The following FRAS1 variants were observed in gnomAD, a reference collection of about 807,000 sequenced individuals.
FRAS1 encodes the protein Fraser extracellular matrix complex subunit 1.
In FRAS1, 290 loss-of-function variants were observed where a neutral mutation model predicts 435.2. The observed-to-expected ratio is 0.67, with a 90% CI of 0.61 to 0.73. FRAS1 has a LOEUF of 0.73. FRAS1 is among the 30% of genes least tolerant of loss of function. The pLI is 0.00. For missense variants in FRAS1, 4,860 were observed against 5,001.5 expected (o/e 0.97, Z 0.85); for synonymous variants, 1,800 against 1,851.0 (o/e 0.97, Z 0.71).
intron 3 of FRAS1, among the ~76,000 whole-genome samples, chr4:78,240,716 A>C (rs1285651304): frequency 6.6e-6 from 1 of 152,228 alleles, no homozygotes; most frequent in Non-Finnish European, 1.5e-5. Flanking sequence ...AACATGTAGA[A>C]TTAAAGAACT....
chr4:78,203,055 G>A (rs915202810), intron 2 of FRAS1, among the ~76,000 whole-genome samples: 3 of 152,200 alleles, frequency 2.0e-5, no homozygotes, highest in Non-Finnish European at 4.4e-5. Context: ...GGTACTTGGG[G>A]TATTGAAAAT....
In FRAS1 at chr4:78,522,782, C is replaced by G; in HGVS notation, c.10782C>G (p.Leu3594=). 1 of 1,611,384 alleles carries G rather than the reference C, an allele frequency of 6.2e-7. No homozygotes were observed. Among genetic ancestry groups the G allele is most frequent in the Non-Finnish European group, 8.5e-7 (1 of 1,178,794 alleles). ...SAQTFDSPHQ[L]WRATSSYNRK... is the part of the protein sequence containing the mutation. ...AGACTTTTGATTCTCCACATCAACT[C>G]TGGAGAGCCACAAGCTCTTATAACA... is the stretch of plus-strand genomic sequence containing the variant. The change falls in exon 69 of 74, where the codon CTC becomes CTG. Residue 3594 remains leucine (L), a synonymous_variant. Coordinates refer to ENST00000512123, the MANE Select transcript of FRAS1 (RefSeq NM_025074.7).
chr4:78,407,189 A>G (rs1197266552), intron 30 of FRAS1, among the ~76,000 whole-genome samples: 2 of 152,222 alleles, frequency 1.3e-5, no homozygotes, highest in Non-Finnish European at 2.9e-5. Flanking sequence ...AACCTGTATT[A>G]CTATCATTGG....
rs1366439394 is a variant in FRAS1 at position 78,299,900 on chromosome 4, C to A, written c.1535-8166C>A. 2.0e-5 allele frequency among the ~76,000 whole-genome samples: 3 copies of A among 152,346 alleles called. No homozygotes were observed. In the East Asian group the frequency reaches 5.8e-4, roughly 29 times the overall value. On this transcript the variant is annotated intron_variant, in intron 14 of 73. Coordinates refer to ENST00000512123, the MANE Select transcript of FRAS1 (RefSeq NM_025074.7). Reference sequence around the variant, plus strand: ...TGTTCTAAGTGTTCCTGCAGCAGACCTCAGATAACCTGTGGCTTACCTGTG... The same window carrying A: ...TGTTCTAAGTGTTCCTGCAGCAGACATCAGATAACCTGTGGCTTACCTGTG...
chr4:78,225,755 T>C (rs1724242645), intron 2 of FRAS1, among the ~76,000 whole-genome samples: 1 of 152,184 alleles, frequency 6.6e-6, no homozygotes, highest in Non-Finnish European at 1.5e-5. Flanking sequence ...GGCATAAATA[T>C]ATATAAATAC....
At chr4:78,112,486 G>C (rs1323015816) in intron 2 of FRAS1, among the ~76,000 whole-genome samples, 1 of 151,892 alleles carries the variant, frequency 6.6e-6, no homozygotes, top group East Asian at 1.9e-4. Context: ...GAGGTCCCTG[G>C]CTTGTGAATG....
chr4:78,495,236 T>C (rs1181191202), intron 59 of FRAS1, among the ~76,000 whole-genome samples: 1 of 152,136 alleles, frequency 6.6e-6, no homozygotes, highest in African/African-American at 2.4e-5. Context: ...TTTTAGACAT[T>C]TTAGGTATTA....
intron 18 of FRAS1, among the ~76,000 whole-genome samples, chr4:78,327,992 AC>A (rs1207534398): frequency 6.6e-6 from 1 of 152,190 alleles, no homozygotes; most frequent in Non-Finnish European, 1.5e-5. Context: ...ACCCACAGCA[AC>A]TAACTAGTTC....
chr4:78,195,190 G>A (rs917412753), intron 2 of FRAS1, among the ~76,000 whole-genome samples: 2 of 152,248 alleles, frequency 1.3e-5, no homozygotes, highest in Non-Finnish European at 2.9e-5. Flanking sequence ...CTACTAGGGG[G>A]TGCCTCGCAG....
chr4:78,479,800 T>G (rs1719957584), intron 56 of FRAS1, 82 bp downstream of exon 56: 1 of 1,102,932 alleles, frequency 9.1e-7, no homozygotes, highest in East Asian at 2.6e-5. Context: ...TTTCAGAATA[T>G]CCGGGAGACA....
intron 14 of FRAS1, among the ~76,000 whole-genome samples, chr4:78,292,539 G>A (rs17422620): frequency 0.23 from 35,181 of 152,084 alleles, 5,149 homozygotes; most frequent in Non-Finnish European, 0.33. Context: ...CAGAAATGAA[G>A]CACTGACCTT....
Position 78,209,320 on chromosome 4 carries a change from G to T in FRAS1, c.109-28190G>T, listed in dbSNP as rs111528212. On this transcript the variant is annotated intron_variant, in intron 2 of 73. Transcript: ENST00000512123. ...TCTTCAGTAGTTAACCCTGGAGGTT[G>T]CATGCACTGGTGGGCCCCTTCCCTT... 8.1e-4 allele frequency among the ~76,000 whole-genome samples: 124 copies of T among 152,282 alleles called. 1 individual carries two copies. The highest frequency in any genetic ancestry group is 1.6e-3 in the African/African-American group (67 of 41,558).
chr4:78,070,028 A>G (rs1477705442), intron 2 of FRAS1, among the ~76,000 whole-genome samples: 1 of 151,966 alleles, frequency 6.6e-6, no homozygotes, highest in Non-Finnish European at 1.5e-5. Context: ...CCCTGCCGCA[A>G]CTGCCATGCA....
Position 78,509,013 on chromosome 4 carries a change from C to G in FRAS1, c.9780+7C>G, listed in dbSNP as rs1720944844. ...CACCAGTGTCAACCACATGGTAGGT[C>G]TGGGGGTCTGGGCCTGGTTCTCCCT... On this transcript the variant is annotated splice_region_variant and intron_variant, in intron 63 of 73. Coordinates refer to ENST00000512123, the MANE Select transcript of FRAS1 (RefSeq NM_025074.7). 2 of 1,613,708 alleles carry G rather than the reference C, an allele frequency of 1.2e-6. No homozygotes were observed. The highest frequency in any genetic ancestry group is 1.1e-5 in the South Asian group (1 of 91,054).
rs142473690 is a variant in FRAS1 at position 78,438,584 on chromosome 4, C to T, written c.5232C>T (p.Pro1744=). 71 of 1,613,782 alleles carry T rather than the reference C, an allele frequency of 4.4e-5. No individual in the cohort carries two copies. In the African/African-American group the frequency reaches 4.5e-4, roughly 10 times the overall value. The part of the protein sequence containing the change: ...SHLAYVDDSS[P]DPEIWIQLNY... The stretch of plus-strand genomic sequence containing the variant: ...TGCCTCATTAGGATGATTCTTCCCC[C>T]GACCCAGAGATCTGGATTCAGTTAA... The change falls in exon 39 of 74, where the codon CCC becomes CCT. Residue 1744 remains proline, a synonymous_variant. Coordinates refer to ENST00000512123, the MANE Select transcript of FRAS1 (RefSeq NM_025074.7).
At chr4:78,407,870 G>A (rs966038899) in intron 31 of FRAS1, 29 bp downstream of exon 31, 1 of 1,551,670 alleles carries the variant, frequency 6.4e-7, no homozygotes, top group Non-Finnish European at 8.7e-7. Context: ...CTTTTCTGAA[G>A]TCTGATGAAT....
At chr4:78,330,847 T>C (rs1199086775) in intron 18 of FRAS1, among the ~76,000 whole-genome samples, 1 of 152,248 alleles carries the variant, frequency 6.6e-6, no homozygotes, top group Non-Finnish European at 1.5e-5. Flanking sequence ...CTGCCTCCAC[T>C]TGCCTTGTGA....
chr4:78,302,217 G>A (rs1260799), intron 14 of FRAS1, among the ~76,000 whole-genome samples: 1 of 148,948 alleles, frequency 6.7e-6, no homozygotes, highest in East Asian at 1.9e-4. Flanking sequence ...AGTATTCCAT[G>A]GTGTATATGT....
chr4:78,139,073 C>T (rs1425974810), intron 2 of FRAS1, among the ~76,000 whole-genome samples: 2 of 152,126 alleles, frequency 1.3e-5, no homozygotes, highest in East Asian at 1.9e-4. Flanking sequence ...ATAGACTTGC[C>T]TCATTTGGGA....
Sources: allele counts gnomAD v4.1 joint callset (sites outside exome capture counted in the v4.1 genomes callset), GRCh38; gene constraint gnomAD v4.1.1; transcripts MANE v1.5; gene names NCBI Gene and HGNC (gene_info 2026-07-23, HGNC 2026-07-21).